The following NEB variants were observed in gnomAD, a reference collection of about 807,000 sequenced individuals.
NEB encodes the protein nebulin, also known as nemaline myopathy type 2.
NEB carries 512 observed loss-of-function variants against 952.2 expected under a neutral mutation model. The observed-to-expected ratio is 0.54, with a 90% CI of 0.50 to 0.58. The LOEUF (loss-of-function observed/expected upper bound fraction) is 0.58. Ranked by LOEUF, NEB falls within the 20% of genes least tolerant of loss-of-function variation. The pLI is 0.00. For missense variants in NEB, 8,428 were observed against 9,231.1 expected (o/e 0.91, Z 3.56); for synonymous variants, 2,900 against 3,149.8 (o/e 0.92, Z 2.66).
chr2:151,570,290 G>A lies in NEB; in HGVS notation c.17221C>T (p.Leu5741Phe). 6.2e-7 allele frequency: 1 copy of A among 1,613,450 alleles called. No individual in the cohort carries two copies. Among genetic ancestry groups the A allele is most frequent in the Non-Finnish European group, 8.5e-7 (1 of 1,179,556 alleles). ...KIRWALIADK[L>F]QNEREYRLDW... ...AGCCGGTACTCTCGTTCATTCTGGA[G>A]CTTGTCAGCTATGAGGGCCCAGCGG... is the stretch of plus-strand genomic sequence containing the variant. Residue 5741 changes from leucine to phenylalanine, a missense_variant, in exon 109 of 182, where the codon CTC becomes TTC. Physicochemically the swap from Leu to Phe is conservative, Grantham distance 22. Transcript: ENST00000397345.
At chr2:151,656,056 T>C in intron 49 of NEB, 33 bp from the exon 50 acceptor site, 1 of 1,603,152 alleles carries the variant, frequency 6.2e-7, no homozygotes, top group Non-Finnish European at 8.5e-7. Context: ...CTACTTTATC[T>C]TATCCATTTA....
intron 109 of NEB, 21 bp downstream of exon 109, chr2:151,570,060 C>T (rs1002477768): frequency 6.3e-7 from 1 of 1,586,304 alleles, no homozygotes; most frequent in Non-Finnish European, 8.6e-7. Flanking sequence ...AAGAGTTCAA[C>T]CCCAAATGCA....
rs1279019316 is a variant in NEB at position 151,531,091 on chromosome 2, T to C, written c.21533A>G (p.Lys7178Arg). The part of the protein sequence containing the change: ...VNKQISDILY[K>R]LEYNKAKPRG... ...GGGTTTGGCCTTGTTGTATTCCAATTTATAAAGGATCTGAAAGATCAAAAA... is the reference window on the plus strand; with the variant it reads ...GGGTTTGGCCTTGTTGTATTCCAATCTATAAAGGATCTGAAAGATCAAAAA... The change falls in exon 145 of 182, where the codon AAA (lysine) becomes AGA (arginine). Residue 7178 changes from lysine to arginine, a missense_variant. Physicochemically the swap from Lys to Arg is conservative, Grantham distance 26 (BLOSUM62 2). Around this residue, in one of 11 missense-constraint regions of NEB, gnomAD observed 3,374 missense variants for 3,651.5 expected, o/e 0.92. Transcript: ENST00000397345. 1 of 1,605,198 alleles carries C rather than the reference T, an allele frequency of 6.2e-7. No individual in the cohort carries two copies. The highest frequency in any genetic ancestry group is 1.7e-5 in the Admixed American group (1 of 59,762).
intron 57 of NEB, 33 bp from the exon 58 acceptor site, chr2:151,643,386 A>G (rs1433878143): frequency 2.6e-6 from 4 of 1,541,618 alleles, no homozygotes; most frequent in South Asian, 1.2e-5. Flanking sequence ...TGTCATAATT[A>G]AATCATTTAT....
chr2:151,576,596 A>G (rs2096873069), intron 105 of NEB, among the ~76,000 whole-genome samples: 1 of 134,800 alleles, frequency 7.4e-6, no homozygotes, highest in African/African-American at 2.9e-5. Context: ...CAATGGCACA[A>G]TCTCAGCTCA....
chr2:151,510,645 T>G (rs71350102), intron 161 of NEB, among the ~76,000 whole-genome samples: 2,359 of 152,324 alleles, frequency 0.015, 40 homozygotes, highest in African/African-American at 0.033. Context: ...ATTGTTATAA[T>G]TGTTCTATTT....
rs1485035332 is a variant in NEB at position 151,687,626 on chromosome 2, A to G, written c.2523T>C (p.Asp841=). 6.2e-7 allele frequency: 1 copy of G among 1,613,008 alleles called. No individual in the cohort carries two copies. The highest frequency in any genetic ancestry group is 8.5e-7 in the Non-Finnish European group (1 of 1,179,430). ...CCCCAGGTCCCCAGGCCACACTCAC[A>G]TCGCTGGTGTTCTTGGTGTTGGCTT... is the stretch of plus-strand genomic sequence containing the variant. ...AAKANTKNTS[D]VMYKKDYEKS... Residue 841 remains aspartate (D), a splice_region_variant and synonymous_variant, in exon 26 of 182, where the codon GAT becomes GAC. Transcript: ENST00000397345.
intron 68 of NEB, among the ~76,000 whole-genome samples, chr2:151,629,109 T>C (rs1422884524): frequency 1.3e-5 from 2 of 152,172 alleles, no homozygotes; most frequent in South Asian, 4.1e-4. Flanking sequence ...CAGAGCAGAT[T>C]TGGGGAAAGG....
At chr2:151,667,653 A>T in intron 40 of NEB, 151 bp downstream of exon 40, 1 of 508,506 alleles carries the variant, frequency 2.0e-6, no homozygotes, top group South Asian at 3.4e-5. Context: ...TCAGCCTCTC[A>T]AATAGTTGGA....
At position 151,546,461 on chromosome 2, in the gene NEB, A is replaced by C. The variant is rs754579097; in HGVS notation, c.20368-18T>G. On this transcript the variant is annotated intron_variant, in intron 133 of 181. Coordinates refer to ENST00000397345, the MANE Select transcript of NEB (RefSeq NM_001164508.2). ...TATTTAATCTGAGAGGCAAACACAG[A>C]AATATAGCTGGTCATAAGCAAATGT... 2 of 1,523,090 alleles carry C rather than the reference A, an allele frequency of 1.3e-6. No homozygotes were observed. Among genetic ancestry groups the C allele is most frequent in the South Asian group, 2.2e-5 (2 of 89,130 alleles). 94.3% of individuals were successfully genotyped at this position (1,523,090 alleles called of 1,614,324 possible). A position where few individuals can be genotyped will look rare whatever the true frequency, so the allele number is the denominator to read the frequency against.
intron 54 of NEB, 86 bp from the exon 55 acceptor site, chr2:151,646,320 C>G (rs2098957190): frequency 1.1e-5 from 10 of 950,434 alleles, no homozygotes; most frequent in Non-Finnish European, 1.6e-5. Flanking sequence ...CTGAATTTAT[C>G]TGAATTAAAC....
chr2:151,673,295 T>C (rs2099322480), intron 36 of NEB, among the ~76,000 whole-genome samples: 1 of 152,188 alleles, frequency 6.6e-6, no homozygotes, highest in Admixed American at 6.5e-5. Context: ...ACCTCAACTG[T>C]TATGCAAGAG....
intron 105 of NEB, among the ~76,000 whole-genome samples, chr2:151,578,943 G>A (rs2097013782): frequency 6.6e-6 from 1 of 150,432 alleles, no homozygotes; most frequent in African/African-American, 2.4e-5. Context: ...TCAGCTGGGT[G>A]TGGTGCACAT....
At chr2:151,649,376 T>C (rs1192022610) in intron 54 of NEB, among the ~76,000 whole-genome samples, 1 of 152,176 alleles carries the variant, frequency 6.6e-6, no homozygotes, top group Admixed American at 6.5e-5. Flanking sequence ...TGATATATGA[T>C]ATATGTAAAG....
chr2:151,680,663 C>T, intron 30 of NEB, 67 bp downstream of exon 30: 2 of 1,180,358 alleles, frequency 1.7e-6, no homozygotes, highest in Non-Finnish European at 2.5e-6. Context: ...GTGATCAGTA[C>T]ATTTGAAATA....
chr2:151,486,212 A>G (rs2050226622), intron 181 of NEB: 1 of 320,598 alleles, frequency 3.1e-6, no homozygotes, highest in Non-Finnish European at 5.8e-6. Context: ...CATTTCTCCA[A>G]AAAAGATAGA....
intron 77 of NEB, 42 bp downstream of exon 77, chr2:151,614,234 T>G: frequency 6.3e-7 from 1 of 1,592,884 alleles, no homozygotes. Context: ...AGAGTTAGAA[T>G]GCTTTTCTAA....
intron 5 of NEB, among the ~76,000 whole-genome samples, 175 bp from the exon 6 acceptor site, chr2:151,725,735 G>A (rs2099788584): frequency 6.6e-6 from 1 of 151,952 alleles, no homozygotes; most frequent in Non-Finnish European, 1.5e-5. Flanking sequence ...TTTGATAATT[G>A]CTTCTCCTAA....
Position 151,514,447 on chromosome 2 carries a change from GCAA to G in NEB, c.23017-22_23017-20del, listed in dbSNP as rs1279038019. The G allele has an allele frequency of 6.5e-7, 1 of 1,536,234 alleles. No homozygotes were observed. The highest frequency in any genetic ancestry group is 1.7e-5 in the Admixed American group (1 of 59,890). ...ACTCTTTCTATATCATGAAAGAAAA[GCAA>G]CAACATTGACAAGAAAGCCCAGATT... On this transcript the variant is annotated intron_variant, in intron 158 of 181. Transcript: ENST00000397345.
Sources: allele counts gnomAD v4.1 joint callset (sites outside exome capture counted in the v4.1 genomes callset), GRCh38; gene constraint gnomAD v4.1.1; regional missense constraint gnomAD v4.1.1; transcripts MANE v1.5; gene names NCBI Gene and HGNC (gene_info 2026-07-23, HGNC 2026-07-21).